APLP2: variants seen among roughly 807,000 people sequenced by gnomAD.
APLP2 encodes CDEI box-binding protein.
In APLP2, 53 loss-of-function variants were observed where a neutral mutation model predicts 89.9. The observed-to-expected ratio is 0.59, with a 90% confidence interval of 0.47 to 0.74. The LOEUF (loss-of-function observed/expected upper bound fraction) is 0.74. Among genes scored for constraint, APLP2 ranks in the 30% least tolerant of loss-of-function variants. The pLI, the probability that APLP2 is intolerant of heterozygous loss-of-function variation, is 0.00. For missense variants in APLP2, 973 were observed against 975.9 expected (o/e 1.00, Z 0.04); for synonymous variants, 372 against 348.6 (o/e 1.07, Z -0.75).
intron 1 of APLP2, among the ~76,000 whole-genome samples, chr11:130,106,230 A>G (rs1340964970): frequency 6.6e-6 from 1 of 152,184 alleles, no homozygotes; most frequent in Non-Finnish European, 1.5e-5. Flanking sequence ...ATTTTGAATC[A>G]TGGGAGCCAA....
At chr11:130,109,663 A>G in intron 2 of APLP2, 61 bp downstream of exon 2, 12 of 1,506,394 alleles carry the variant, frequency 8.0e-6, no homozygotes, top group Non-Finnish European at 9.9e-6. Context: ...GAATCTGTTT[A>G]CCTTAGAAAT....
At position 130,129,167 on chromosome 11, in the gene APLP2, G is replaced by A; in HGVS notation, c.1416G>A (p.Leu472=). The change falls in exon 10 of 17, where the codon CTG becomes CTA. Residue 472 remains leucine (L), a synonymous_variant. Coordinates refer to ENST00000338167, the MANE Select transcript of APLP2 (RefSeq NM_001142276.2). Reference sequence around the variant, plus strand: ...TGAATGACCGCCGTCGGATGGCTCTGGAGAACTACCTGGCTGCCTTGCAGT... The same window carrying A: ...TGAATGACCGCCGTCGGATGGCTCTAGAGAACTACCTGGCTGCCTTGCAGT... The part of the protein sequence containing the change: ...AMLNDRRRMA[L]ENYLAALQSD... The A allele has an allele frequency of 6.2e-7, 1 of 1,614,088 alleles. No homozygotes were observed. The highest frequency in any genetic ancestry group is 8.5e-7 in the Non-Finnish European group (1 of 1,179,970).
Position 130,137,421 on chromosome 11 carries a change from A to T in APLP2, c.1837+1706A>T, listed in dbSNP as rs1951762342. The T allele has an allele frequency of 3.4e-6, 3 of 893,722 alleles. No homozygotes were observed. In the Admixed American group the frequency reaches 5.6e-5, roughly 17 times the overall value. 55.4% of individuals were successfully genotyped at this position (893,722 alleles called of 1,614,324 possible). A position where few individuals can be genotyped will look rare whatever the true frequency, so the allele number is the denominator to read the frequency against. On this transcript the variant is annotated intron_variant, in intron 13 of 16. Transcript: ENST00000338167. ...CCTCATTCCTTCTGACACGGCTGTGAGTGGGGTCAGAGCAGCCCCACCTCC... is the reference window on the plus strand; with the variant it reads ...CCTCATTCCTTCTGACACGGCTGTGTGTGGGGTCAGAGCAGCCCCACCTCC...
intron 1 of APLP2, among the ~76,000 whole-genome samples, chr11:130,097,490 A>G (rs529756604): frequency 3.9e-5 from 6 of 152,260 alleles, no homozygotes; most frequent in African/African-American, 9.6e-5. Context: ...GGCTGGGAGT[A>G]CAAGACCAGC....
chr11:130,133,494 C>G (rs1951168112), intron 11 of APLP2, 135 bp from the exon 12 acceptor site: 1 of 638,948 alleles, frequency 1.6e-6, no homozygotes, highest in Admixed American at 2.6e-5. Flanking sequence ...TGACCAGTTG[C>G]TTTGCTAGAC....
intron 13 of APLP2, chr11:130,138,952 C>A (rs1488351757): frequency 6.6e-6 from 1 of 151,960 alleles, no homozygotes; most frequent in African/African-American, 2.4e-5. Context: ...TAATTCCTGC[C>A]TGTGTGACCT....
chr11:130,082,357 T>G (rs769818575), intron 1 of APLP2: 1 of 151,370 alleles, frequency 6.6e-6, no homozygotes, highest in Non-Finnish European at 1.5e-5. Flanking sequence ...CTGATTTTTG[T>G]ATTTTTAGTA....
chr11:130,129,932 C>A, intron 10 of APLP2, 106 bp from the exon 11 acceptor site: 1 of 1,289,012 alleles, frequency 7.8e-7, no homozygotes, highest in Non-Finnish European at 1.1e-6. Context: ...CATTCTTGTG[C>A]CTAGCTGAGC....
intron 3 of APLP2, chr11:130,114,109 A>G (rs1948908390): frequency 6.6e-6 from 1 of 152,246 alleles, no homozygotes; most frequent in African/African-American, 2.4e-5. Flanking sequence ...GACAATATCT[A>G]GTTGATCCAA....
intron 1 of APLP2, among the ~76,000 whole-genome samples, chr11:130,104,282 A>G (rs902112382): frequency 2.1e-5 from 3 of 139,956 alleles, no homozygotes; most frequent in Non-Finnish European, 4.5e-5. Flanking sequence ...CAGTGGCGCA[A>G]TCTCGGCTTC....
chr11:130,085,696 C>T (rs1328347675), intron 1 of APLP2, among the ~76,000 whole-genome samples: 3 of 152,294 alleles, frequency 2.0e-5, no homozygotes, highest in East Asian at 3.9e-4. Context: ...ATTTCCAGTA[C>T]TTTTTCATCC....
At chr11:130,128,972 C>T in intron 9 of APLP2, 76 bp from the exon 10 acceptor site, 1 of 1,518,554 alleles carries the variant, frequency 6.6e-7, no homozygotes, top group Non-Finnish European at 8.9e-7. Flanking sequence ...AGGAGAAGCA[C>T]TGGGGTCTCA....
At chr11:130,115,907 TG>T in intron 3 of APLP2, among the ~76,000 whole-genome samples, 1 of 152,294 alleles carries the variant, frequency 6.6e-6, no homozygotes, top group South Asian at 2.1e-4. Context: ...AAGTTTGCAT[TG>T]GGGGAAGGGG....
At chr11:130,107,740 A>T (rs901776697) in intron 1 of APLP2, among the ~76,000 whole-genome samples, 7 of 152,240 alleles carry the variant, frequency 4.6e-5, no homozygotes, top group Admixed American at 4.6e-4. Context: ...GAACCAAAAA[A>T]GAGCCCGCGT....
rs367856998 is a variant in APLP2 at position 130,135,550 on chromosome 11, C to T, written c.1685-13C>T. 7 of 1,613,614 alleles carry T rather than the reference C, an allele frequency of 4.3e-6. No individual in the cohort carries two copies. Among genetic ancestry groups the T allele is most frequent in the Non-Finnish European group, 5.9e-6 (7 of 1,179,662 alleles). On this transcript the variant is annotated splice_polypyrimidine_tract_variant and intron_variant, in intron 12 of 16. Transcript: ENST00000338167. ...TGAAGCCTGCTTTCTGTCCCCTGCC[C>T]TGTCTTCATCAGATGAGCTCCTTCA...
chr11:130,126,506 G>C (rs1304618252), intron 7 of APLP2, among the ~76,000 whole-genome samples, 194 bp from the exon 8 acceptor site: 1 of 152,208 alleles, frequency 6.6e-6, no homozygotes, highest in Non-Finnish European at 1.5e-5. Context: ...GGCTGACATG[G>C]TTGATGAATA....
rs111439100 is a variant in APLP2 at position 130,123,223 on chromosome 11, C to T, written c.923-389C>T. On this transcript the variant is annotated intron_variant, in intron 6 of 16. Transcript: ENST00000338167. This position sits in a 1 kb window ranked among gnomAD's most constrained non-coding sequence, Gnocchi z 4.0. ...CCGTTCTAGGTGCTTGTCTTTACTA[C>T]GGGTATCACCACTTAAAGCAGCCTT... Among the ~76,000 whole-genome samples, 1,666 of 152,276 alleles carry T rather than the reference C, an allele frequency of 0.011. 27 individuals carry two copies. Among genetic ancestry groups the T allele is most frequent in the African/African-American group, 0.037 (1,543 of 41,542 alleles).
intron 1 of APLP2, among the ~76,000 whole-genome samples, chr11:130,081,195 T>C (rs542534432): frequency 6.6e-6 from 1 of 152,284 alleles, no homozygotes; most frequent in East Asian, 1.9e-4. Flanking sequence ...TCCAGGTCAT[T>C]ACATATTTTG....
intron 13 of APLP2, among the ~76,000 whole-genome samples, chr11:130,135,922 G>C (rs1951528966): frequency 6.6e-6 from 1 of 152,204 alleles, no homozygotes; most frequent in Non-Finnish European, 1.5e-5. Context: ...TCACCATGAA[G>C]TTAAGACTAA....
Sources: allele counts gnomAD v4.1 joint callset (sites outside exome capture counted in the v4.1 genomes callset), GRCh38; gene constraint gnomAD v4.1.1; non-coding constraint Gnocchi (gnomAD v3.1); transcripts MANE v1.5; gene names NCBI Gene and HGNC (gene_info 2026-07-23, HGNC 2026-07-21).